Variants in CNTN4 observed in about 807,000 individuals in gnomAD.
CNTN4 encodes contactin 4, also known as contactin-4.
A neutral mutation model predicts 122.5 loss-of-function variants in CNTN4; 77 were observed. The ratio of observed to expected loss-of-function variants is 0.63; its 90% CI spans 0.52 to 0.76. CNTN4 has a LOEUF of 0.76. Ranked by LOEUF, CNTN4 falls within the 30% of genes least tolerant of loss-of-function variation. CNTN4 has a pLI of 0.00. For synonymous variants in CNTN4, 512 were observed against 447.0 expected (o/e 1.15, Z -1.83); for missense variants, 1,256 against 1,259.1 (o/e 1.00, Z 0.04).
At chr3:2,529,434 A>G (rs1292736412) in intron 3 of CNTN4, among the ~76,000 whole-genome samples, 1 of 152,130 alleles carries the variant, frequency 6.6e-6, no homozygotes, top group East Asian at 1.9e-4. Flanking sequence ...ACATCTCTTT[A>G]TAATACTGAT....
intron 3 of CNTN4, among the ~76,000 whole-genome samples, chr3:2,440,690 GTA>G (rs562453301): frequency 4.8e-4 from 72 of 151,004 alleles, no homozygotes; most frequent in African/African-American, 1.6e-3. Context: ...ACACATATAC[GTA>G]TATATATGTA....
chr3:2,684,606 C>T (rs1032163744), intron 4 of CNTN4, among the ~76,000 whole-genome samples: 2 of 152,096 alleles, frequency 1.3e-5, no homozygotes, highest in Non-Finnish European at 2.9e-5. Context: ...CTGAGCAAGT[C>T]AGACAAAATT....
chr3:2,655,844 C>A (rs1005228710), intron 4 of CNTN4, among the ~76,000 whole-genome samples: 4 of 152,274 alleles, frequency 2.6e-5, no homozygotes, highest in Non-Finnish European at 5.9e-5. Context: ...TTTTGACTTT[C>A]TTTCAGGATA....
At chr3:2,457,459 C>A (rs1295293309) in intron 3 of CNTN4, among the ~76,000 whole-genome samples, 1 of 152,010 alleles carries the variant, frequency 6.6e-6, no homozygotes, top group Non-Finnish European at 1.5e-5. Context: ...GGTATATATA[C>A]AGGGTTAAAA....
intron 2 of CNTN4, among the ~76,000 whole-genome samples, chr3:2,322,686 TTA>T (rs2043312371): frequency 6.6e-6 from 1 of 152,158 alleles, no homozygotes; most frequent in African/African-American, 2.4e-5. Flanking sequence ...AGACTTTACA[TTA>T]TGTTAGCTCT....
chr3:2,530,120 T>C (rs563018068), intron 3 of CNTN4, among the ~76,000 whole-genome samples: 37 of 152,272 alleles, frequency 2.4e-4, no homozygotes, highest in Admixed American at 2.0e-3. Context: ...ATAAATCCAC[T>C]GATTTGAGAG....
intron 2 of CNTN4, among the ~76,000 whole-genome samples, chr3:2,145,915 A>G (rs909198917): frequency 6.6e-6 from 1 of 150,978 alleles, no homozygotes; most frequent in African/African-American, 2.4e-5. Context: ...CAAACTCAGG[A>G]TGCTGTAATT....
intron 2 of CNTN4, among the ~76,000 whole-genome samples, chr3:2,185,605 G>A (rs1031575513): frequency 6.6e-6 from 1 of 152,088 alleles, no homozygotes; most frequent in African/African-American, 2.4e-5. Flanking sequence ...CTGGGTCAGT[G>A]GGCACTTCAG....
chr3:2,494,341 C>T (rs2151692622), intron 3 of CNTN4, among the ~76,000 whole-genome samples: 1 of 152,230 alleles, frequency 6.6e-6, no homozygotes, highest in Middle Eastern at 3.4e-3. Context: ...GTGGTAGAAC[C>T]TGAAGCATGT....
intron 12 of CNTN4, among the ~76,000 whole-genome samples, chr3:2,911,524 C>G (rs1027202678): frequency 2.0e-5 from 3 of 152,108 alleles, no homozygotes; most frequent in African/African-American, 7.2e-5. Flanking sequence ...TAATAAAGCA[C>G]ACAAAGAAAC....
intron 13 of CNTN4, among the ~76,000 whole-genome samples, chr3:2,977,739 T>TA (rs1162735596): frequency 6.6e-6 from 1 of 152,176 alleles, no homozygotes; most frequent in African/African-American, 2.4e-5. Flanking sequence ...CGTTATGGGT[T>TA]AAACAGTTTC....
intron 4 of CNTN4, among the ~76,000 whole-genome samples, chr3:2,723,695 T>C (rs758995623): frequency 2.2e-4 from 34 of 152,164 alleles, no homozygotes; most frequent in Non-Finnish European, 2.8e-4. Context: ...TACTGTTGCG[T>C]TGAGGATTAA....
intron 2 of CNTN4, among the ~76,000 whole-genome samples, chr3:2,318,055 G>C (rs377449915): frequency 1.5e-3 from 231 of 152,042 alleles, no homozygotes; most frequent in African/African-American, 5.4e-3. Flanking sequence ...TTAAAACGAA[G>C]AGTTTAAGAC....
chr3:2,791,718 A>G (rs1302702259), intron 6 of CNTN4, among the ~76,000 whole-genome samples: 1 of 152,196 alleles, frequency 6.6e-6, no homozygotes, highest in Admixed American at 6.5e-5. Context: ...TCTAGAGACT[A>G]GAGATGAGAT....
intron 17 of CNTN4, among the ~76,000 whole-genome samples, chr3:3,036,839 T>G (rs1012375002): frequency 6.6e-6 from 1 of 151,462 alleles, no homozygotes; most frequent in East Asian, 1.9e-4. Context: ...TCTCAGAGGA[T>G]AGTTGAAATA....
At position 3,040,267 on chromosome 3, in the gene CNTN4, A is replaced by C; in HGVS notation, c.2394A>C (p.Glu798Asp). The C allele has an allele frequency of 1.2e-6, 2 of 1,609,780 alleles. No homozygotes were observed. Among genetic ancestry groups the C allele is most frequent in the Non-Finnish European group, 8.5e-7 (1 of 1,175,980 alleles). ...FSPTTVVYSAEEEPTKPPASI... is the reference protein window; with the variant it reads ...FSPTTVVYSADEEPTKPPASI... ...CCACCACGGTGGTGTATTCTGCAGA[A>C]GAAGGTATCGTTTATGCTGCCTAGA... The change falls in exon 20 of 25, where the codon GAA becomes GAC. Residue 798 changes from glutamate (E) to aspartate (D), a missense_variant. Coordinates refer to ENST00000418658, the MANE Select transcript of CNTN4 (RefSeq NM_175607.3).
chr3:2,184,194 C>T (rs2037145939), intron 2 of CNTN4, among the ~76,000 whole-genome samples: 1 of 151,992 alleles, frequency 6.6e-6, no homozygotes, highest in African/African-American at 2.4e-5. Context: ...CCATATTGCC[C>T]AGGCTGGTTT....
At chr3:2,739,023 A>G (rs1017524994) in intron 5 of CNTN4, among the ~76,000 whole-genome samples, 4 of 152,164 alleles carry the variant, frequency 2.6e-5, no homozygotes, top group African/African-American at 9.6e-5. Flanking sequence ...TATCCAGACT[A>G]TTTAAAGAAT....
intron 23 of CNTN4, among the ~76,000 whole-genome samples, chr3:3,045,203 G>A (rs1343309701): frequency 6.6e-6 from 1 of 152,200 alleles, no homozygotes; most frequent in Non-Finnish European, 1.5e-5. Context: ...CCCTCTGGGG[G>A]CAGGGCATAG....
Sources: allele counts gnomAD v4.1 joint callset (sites outside exome capture counted in the v4.1 genomes callset), GRCh38; gene constraint gnomAD v4.1.1; transcripts MANE v1.5; gene names NCBI Gene and HGNC (gene_info 2026-07-23, HGNC 2026-07-21).